The following CFAP97 variants were observed in gnomAD, a reference collection of about 807,000 sequenced individuals.
CFAP97 encodes the protein cilia and flagella associated protein 97.
A neutral mutation model predicts 43.1 loss-of-function variants in CFAP97; 36 were observed. The observed-to-expected ratio is 0.84, with a 90% CI of 0.64 to 1.10. The LOEUF (loss-of-function observed/expected upper bound fraction) is 1.10, where lower values mean the gene tolerates loss of function less well. CFAP97 is among the 50% of genes least tolerant of loss of function. CFAP97 has a pLI of 0.00. For missense variants in CFAP97, 657 were observed against 620.3 expected (o/e 1.06, Z -0.63); for synonymous variants, 228 against 225.7 (o/e 1.01, Z -0.09).
upstream of CFAP97, chr4:185,209,847 C>T: frequency 2.5e-5 from 25 of 983,492 alleles, no homozygotes; most frequent in Non-Finnish European, 3.0e-5. The surrounding 1 kb of genome is among the most constrained non-coding windows in gnomAD (Gnocchi z 5.2). Context: ...ATGCGACCGA[C>T]AGTGGCGGCG....
chr4:185,209,864 C>T (rs1737460509), upstream of CFAP97: 3 of 983,362 alleles, frequency 3.1e-6, no homozygotes, highest in Non-Finnish European at 2.4e-6. The surrounding 1 kb of genome is among the most constrained non-coding windows in gnomAD (Gnocchi z 5.2). Context: ...GGCGCCGGCC[C>T]CAGCCCCGCG....
intron 2 of CFAP97, among the ~76,000 whole-genome samples, chr4:185,180,544 T>G (rs1366967589): frequency 6.6e-6 from 1 of 152,178 alleles, no homozygotes; most frequent in African/African-American, 2.4e-5. Flanking sequence ...TCACTTAGCA[T>G]AATGTCCTCA....
upstream of CFAP97, chr4:185,209,863 C>A: frequency 2.0e-6 from 2 of 983,394 alleles, no homozygotes; most frequent in Non-Finnish European, 2.4e-6. This position sits in a 1 kb window ranked among gnomAD's most constrained non-coding sequence, Gnocchi z 5.2. Flanking sequence ...CGGCGCCGGC[C>A]CCAGCCCCGC....
At chr4:185,166,584 T>C (rs1735082356) in intron 3 of CFAP97, among the ~76,000 whole-genome samples, 1 of 152,184 alleles carries the variant, frequency 6.6e-6, no homozygotes, top group African/African-American at 2.4e-5. Flanking sequence ...TACTTATTCA[T>C]CACATATAAA....
At chr4:185,183,434 A>C (rs1449342175) in intron 2 of CFAP97, among the ~76,000 whole-genome samples, 1 of 152,254 alleles carries the variant, frequency 6.6e-6, no homozygotes, top group East Asian at 1.9e-4. Flanking sequence ...GGTAAGCCAA[A>C]GCAGCCTAGA....
In CFAP97 at chr4:185,190,737, G is replaced by C; in HGVS notation, c.460C>G (p.Pro154Ala). ...KYHVKSKSAK[P>A]STNVKKSIRK... ...ATGCTTTTTTTAACGTTAGTAGATG[G>C]TTTAGCGGACTTGGACTTCACATGG... The change falls in exon 2 of 5, where the codon CCA becomes GCA. Residue 154 changes from proline to alanine, a missense_variant. By Grantham distance (27) the Pro-to-Ala change is conservative (BLOSUM62 -1). Coordinates refer to ENST00000458385, the MANE Select transcript of CFAP97 (RefSeq NM_020827.3). The C allele has an allele frequency of 6.3e-7, 1 of 1,583,788 alleles. No homozygotes were observed. Among genetic ancestry groups the C allele is most frequent in the Non-Finnish European group, 8.6e-7 (1 of 1,163,194 alleles).
upstream of CFAP97, among the ~76,000 whole-genome samples, chr4:185,204,895 T>C (rs1454274274): frequency 6.6e-6 from 1 of 152,218 alleles, no homozygotes; most frequent in East Asian, 1.9e-4. Flanking sequence ...ATTTTAGACT[T>C]AATACCTTAA....
At chr4:185,197,214 T>C (rs1465659414) in intron 1 of CFAP97, among the ~76,000 whole-genome samples, 2 of 150,908 alleles carry the variant, frequency 1.3e-5, no homozygotes, top group Non-Finnish European at 2.9e-5. Context: ...CTATAAGAGA[T>C]GGATGATTAC....
At position 185,190,989 on chromosome 4, in the gene CFAP97, C is replaced by G. The variant is rs1736225574; in HGVS notation, c.208G>C (p.Glu70Gln). Residue 70 changes from glutamate to glutamine, a missense_variant, in exon 2 of 5, where the codon GAA (glutamate) becomes CAA (glutamine). Coordinates refer to ENST00000458385, the MANE Select transcript of CFAP97 (RefSeq NM_020827.3). ...TCTGGGGGAAATTTCACGTTTCTTT[C>G]ATTTCCCTTCTCAGTAAGATAATTT... ...TENYLTEKGN[E>Q]RNVKFPPEHP... 1 of 1,613,476 alleles carries G rather than the reference C, an allele frequency of 6.2e-7. No individual in the cohort carries two copies.
intron 3 of CFAP97, chr4:185,169,836 T>C (rs1735225333): frequency 1.0e-6 from 1 of 985,490 alleles, no homozygotes; most frequent in Non-Finnish European, 1.2e-6. Flanking sequence ...CACTGAGTTA[T>C]CATTAGCTTG....
intron 2 of CFAP97, among the ~76,000 whole-genome samples, chr4:185,178,047 A>G (rs924199355): frequency 5.3e-5 from 8 of 152,010 alleles, no homozygotes; most frequent in African/African-American, 1.9e-4. Context: ...TTTGCTGAAA[A>G]GTATGCCAAG....
At chr4:185,181,320 CTTTTTTTTT>C (rs778362979) in intron 2 of CFAP97, among the ~76,000 whole-genome samples, 3 of 99,182 alleles carry the variant, frequency 3.0e-5, no homozygotes, top group East Asian at 3.4e-4. Flanking sequence ...CATAATCATA[CTTTTTTTTT>C]TTTTTTTTTT....
intron 4 of CFAP97, 65 bp downstream of exon 4, chr4:185,163,964 T>TAAAAAAA: frequency 1.4e-6 from 2 of 1,433,414 alleles, no homozygotes; most frequent in Non-Finnish European, 1.9e-6. Flanking sequence ...TAATAACATG[T>TAAAAAAA]TACGTTTTTT....
rs538968435 is a variant in CFAP97 at position 185,195,015 on chromosome 4, T to G, written c.-16-3803A>C. Among the ~76,000 whole-genome samples, 15 of 152,322 alleles carry G rather than the reference T, an allele frequency of 9.8e-5. No individual in the cohort carries two copies. The East Asian group carries it at 2.9e-3, about 29-fold the overall frequency. ...CTTCCCAGTTGTGCGATCCTGGGCA[T>G]GTACACAGGATGTTCACGACAGCAC... On this transcript the variant is annotated intron_variant, in intron 1 of 4. Transcript: ENST00000458385.
chr4:185,206,068 T>C (rs1467643075), upstream of CFAP97, among the ~76,000 whole-genome samples: 1 of 152,182 alleles, frequency 6.6e-6, no homozygotes, highest in African/African-American at 2.4e-5. Context: ...TGTGAGAATG[T>C]AGCATACTCA....
upstream of CFAP97, among the ~76,000 whole-genome samples, chr4:185,206,324 TGTGCGCCTCTG>T (rs1737185580): frequency 6.6e-6 from 1 of 152,196 alleles, no homozygotes. Context: ...GCCCATGACT[TGTGCGCCTCTG>T]GTCCACATAA....
At chr4:185,207,567 C>CT (rs141853362), upstream of CFAP97, among the ~76,000 whole-genome samples, 11 of 151,466 alleles carry the variant, frequency 7.3e-5, no homozygotes, top group Non-Finnish European at 1.3e-4. Flanking sequence ...AGAATTTAAC[C>CT]TTTTTTTTTC....
chr4:185,183,714 T>C (rs1735895076), intron 2 of CFAP97, among the ~76,000 whole-genome samples: 1 of 152,258 alleles, frequency 6.6e-6, no homozygotes, highest in African/African-American at 2.4e-5. Flanking sequence ...TTTATTATTA[T>C]GAAGAATCCT....
In CFAP97 at chr4:185,190,182, C is replaced by T; in HGVS notation, c.1015G>A (p.Val339Ile). Residue 339 changes from valine (V) to isoleucine (I), a missense_variant, in exon 2 of 5, where the codon GTC becomes ATC. Coordinates refer to ENST00000458385, the MANE Select transcript of CFAP97 (RefSeq NM_020827.3). ...SSLDHRHKQK[V>I]LHDTMDLNHL... ...TTCAGATCCATTGTGTCATGTAAGA[C>T]TTTCTGTTTATGTCTGTGGTCTAAA... is the stretch of plus-strand genomic sequence containing the variant. 6.3e-7 allele frequency: 1 copy of T among 1,595,992 alleles called. No individual in the cohort carries two copies. Among genetic ancestry groups the T allele is most frequent in the Non-Finnish European group, 8.5e-7 (1 of 1,172,984 alleles).
Sources: allele counts gnomAD v4.1 joint callset (sites outside exome capture counted in the v4.1 genomes callset), GRCh38; gene constraint gnomAD v4.1.1; non-coding constraint Gnocchi (gnomAD v3.1); transcripts MANE v1.5; gene names NCBI Gene and HGNC (gene_info 2026-07-23, HGNC 2026-07-21).